TRABD2B: variants seen among roughly 807,000 people sequenced by gnomAD.
TRABD2B encodes TraB domain containing 2B, also known as metalloprotease TIKI2.
Under a neutral mutation model 40.1 loss-of-function variants are expected in TRABD2B, and 14 were observed. That is an observed-to-expected ratio of 0.35 (90% CI 0.23 to 0.55). The LOEUF (loss-of-function observed/expected upper bound fraction) is 0.55. Among genes scored for constraint, TRABD2B ranks in the 20% least tolerant of loss-of-function variants. The pLI, the probability that TRABD2B is intolerant of heterozygous loss-of-function variation, is 0.90. For missense variants in TRABD2B, 541 were observed against 648.6 expected (o/e 0.83, Z 1.80); for synonymous variants, 263 against 277.0 (o/e 0.95, Z 0.50).
intron 4 of TRABD2B, among the ~76,000 whole-genome samples, chr1:47,786,905 A>T (rs1644602917): frequency 6.6e-6 from 1 of 151,950 alleles, no homozygotes; most frequent in Non-Finnish European, 1.5e-5. Context: ...GGGTCTTGGG[A>T]TATTGCCCAG....
At chr1:47,787,929 C>G (rs541284759) in intron 4 of TRABD2B, among the ~76,000 whole-genome samples, 1 of 152,140 alleles carries the variant, frequency 6.6e-6, no homozygotes, top group East Asian at 1.9e-4. Context: ...CAGGGAAGGC[C>G]CAGCAGAAGA....
At chr1:47,974,575 C>G (rs1470691344) in intron 2 of TRABD2B, among the ~76,000 whole-genome samples, 1 of 152,192 alleles carries the variant, frequency 6.6e-6, no homozygotes, top group Non-Finnish European at 1.5e-5. Flanking sequence ...AATAAAAGTT[C>G]CATGCAGGAA....
At chr1:47,908,188 T>C (rs1644703871) in intron 2 of TRABD2B, among the ~76,000 whole-genome samples, 1 of 152,184 alleles carries the variant, frequency 6.6e-6, no homozygotes, top group Non-Finnish European at 1.5e-5. Context: ...TAATCCCATT[T>C]TTATAACTAT....
chr1:47,796,543 A>G (rs1644750699), intron 3 of TRABD2B, among the ~76,000 whole-genome samples: 1 of 152,242 alleles, frequency 6.6e-6, no homozygotes, highest in African/African-American at 2.4e-5. Flanking sequence ...TAAGGAGGCT[A>G]GGATATTTGC....
intron 2 of TRABD2B, among the ~76,000 whole-genome samples, chr1:47,950,233 C>T (rs757286582): frequency 1.3e-5 from 2 of 151,566 alleles, no homozygotes; most frequent in African/African-American, 4.9e-5. Flanking sequence ...TGCAGTGAGC[C>T]GAGATCGGGC....
intron 2 of TRABD2B, among the ~76,000 whole-genome samples, chr1:47,961,027 C>G (rs1348327298): frequency 1.6e-4 from 24 of 152,094 alleles, no homozygotes; most frequent in African/African-American, 5.3e-4. Flanking sequence ...TAGACCAATG[C>G]AACAGAACAG....
chr1:47,972,552 A>G (rs1645696403), intron 2 of TRABD2B, among the ~76,000 whole-genome samples: 2 of 151,140 alleles, frequency 1.3e-5, no homozygotes, highest in Non-Finnish European at 2.9e-5. Context: ...CATGAGGACA[A>G]AACTGGAAAA....
chr1:47,921,870 G>T (rs565071571), intron 2 of TRABD2B, among the ~76,000 whole-genome samples: 1 of 152,282 alleles, frequency 6.6e-6, no homozygotes, highest in South Asian at 2.1e-4. Flanking sequence ...TAGGGGATCT[G>T]ATATGTATTG....
At chr1:47,902,933 A>T (rs1644622240) in intron 2 of TRABD2B, among the ~76,000 whole-genome samples, 1 of 152,222 alleles carries the variant, frequency 6.6e-6, no homozygotes, top group African/African-American at 2.4e-5. Context: ...GCACAGGTCT[A>T]GTCATAAATT....
At chr1:47,957,815 C>A (rs1270554617) in intron 2 of TRABD2B, among the ~76,000 whole-genome samples, 1 of 152,160 alleles carries the variant, frequency 6.6e-6, no homozygotes, top group Admixed American at 6.5e-5. Flanking sequence ...ACTTCCCCAA[C>A]CTAGCAACGC....
At position 47,801,502 on chromosome 1, in the gene TRABD2B, C is replaced by T. The variant is rs147317864; in HGVS notation, c.784G>A (p.Ala262Thr). ...IKHYNCGDLS[A>T]VIFNHDTSQL... ...GATGTGTCGTGGTTGAAGATGACTGCGCTGAGGTCTCCGCAGTTGTAGTGC... is the reference window on the plus strand; with the variant it reads ...GATGTGTCGTGGTTGAAGATGACTGTGCTGAGGTCTCCGCAGTTGTAGTGC... The change falls in exon 3 of 7, where the codon GCA becomes ACA. Residue 262 changes from alanine to threonine, a missense_variant. By Grantham distance (58) the Ala-to-Thr change is moderately conservative. This residue lies in a region of TRABD2B where 369 missense variants were observed against 492.8 expected (regional missense o/e 0.75). Coordinates refer to ENST00000606738, the MANE Select transcript of TRABD2B (RefSeq NM_001194986.2). The T allele has an allele frequency of 3.5e-3, 5,313 of 1,536,104 alleles. 15 individuals carry two copies. The highest frequency in any genetic ancestry group is 3.9e-3 in the Non-Finnish European group (4,497 of 1,146,890).
At chr1:47,971,268 T>C (rs1462256575) in intron 2 of TRABD2B, among the ~76,000 whole-genome samples, 1 of 152,208 alleles carries the variant, frequency 6.6e-6, no homozygotes, top group East Asian at 1.9e-4. Flanking sequence ...GAGCCAGTTT[T>C]GTAAACCAAA....
intron 2 of TRABD2B, among the ~76,000 whole-genome samples, chr1:47,936,932 T>TACC (rs1557667171): frequency 1.9e-5 from 2 of 105,668 alleles, no homozygotes; most frequent in African/African-American, 3.7e-5. Context: ...CCACCATAAT[T>TACC]ATCACCATCA....
chr1:47,872,030 T>A (rs1227748935), intron 2 of TRABD2B, among the ~76,000 whole-genome samples: 1 of 152,146 alleles, frequency 6.6e-6, no homozygotes, highest in East Asian at 1.9e-4. Context: ...AATGAGCCAT[T>A]GAACTCTGGG....
chr1:47,949,401 C>CTTTTTTTTTTTTT (rs35027686), intron 2 of TRABD2B, among the ~76,000 whole-genome samples: 1 of 80,280 alleles, frequency 1.2e-5, no homozygotes, highest in Non-Finnish European at 2.3e-5. Flanking sequence ...TCTTTTCTTT[C>CTTTTTTTTTTTTT]TTTTTTTTTT....
chr1:47,769,223 T>C (rs2124421455), intron 6 of TRABD2B, among the ~76,000 whole-genome samples: 1 of 152,118 alleles, frequency 6.6e-6, no homozygotes. Context: ...AAGAAGTCCA[T>C]AAAAACGTCC....
At chr1:47,923,455 C>T (rs531976059) in intron 2 of TRABD2B, among the ~76,000 whole-genome samples, 8 of 152,318 alleles carry the variant, frequency 5.3e-5, no homozygotes, top group Non-Finnish European at 1.0e-4. Flanking sequence ...GAACCCTGCC[C>T]ATCCCTGACC....
chr1:47,949,235 A>C (rs1194885421), intron 2 of TRABD2B, among the ~76,000 whole-genome samples: 1 of 152,010 alleles, frequency 6.6e-6, no homozygotes, highest in African/African-American at 2.4e-5. Context: ...GGCTATTATT[A>C]TTCTCATTTT....
intron 2 of TRABD2B, among the ~76,000 whole-genome samples, chr1:47,854,398 G>A (rs1326518131): frequency 6.6e-6 from 1 of 152,190 alleles, no homozygotes; most frequent in Non-Finnish European, 1.5e-5. Flanking sequence ...GGGAAGGAAG[G>A]TATTGCAGAT....
Sources: gnomAD v4.1 joint callset for allele counts (sites outside exome capture counted in the v4.1 genomes callset) on GRCh38, gnomAD v4.1.1 for gene constraint, gnomAD v4.1.1 regional missense constraint, MANE v1.5 for transcripts, NCBI Gene and HGNC (gene_info 2026-07-23, HGNC 2026-07-21) for gene names.